The following KIF22 variants were observed in gnomAD, a reference collection of about 807,000 sequenced individuals.
KIF22 encodes the protein kinesin-like protein KIF22.
Under a neutral mutation model 73.0 loss-of-function variants are expected in KIF22, and 62 were observed. That is an observed-to-expected ratio of 0.85 (90% CI 0.69 to 1.05). The LOEUF is 1.05. KIF22 is among the 50% of genes least tolerant of loss of function. KIF22 has a pLI of 0.00. For synonymous variants in KIF22, 411 were observed against 340.1 expected, an observed-to-expected ratio of 1.21 and a Z score of -2.29; for missense variants, 854 against 870.1, an observed-to-expected ratio of 0.98 and a Z score of 0.23.
intron 11 of KIF22, chr16:29,804,386 C>T: frequency 1.6e-6 from 1 of 607,320 alleles, no homozygotes; most frequent in Non-Finnish European, 2.9e-6. Flanking sequence ...CACATATGCA[C>T]ATACCCAGAA....
chr16:29,794,942 G>A (rs1596843373), intron 1 of KIF22, among the ~76,000 whole-genome samples: 1 of 152,094 alleles, frequency 6.6e-6, no homozygotes. Flanking sequence ...AAGGTCCAAG[G>A]TCACAAGCTA....
chr16:29,804,733 G>A, intron 11 of KIF22, 81 bp from the exon 12 acceptor site: 1 of 1,117,092 alleles, frequency 9.0e-7, no homozygotes, highest in East Asian at 2.6e-5. Context: ...GGAGGTAGCT[G>A]GTGCTGGGCT....
In KIF22 at chr16:29,792,199, A is replaced by G. The variant is rs372976932; in HGVS notation, c.70+1370A>G. 2.6e-5 allele frequency among the ~76,000 whole-genome samples: 4 copies of G among 152,264 alleles called. No individual in the cohort carries two copies. The South Asian group carries it at 8.3e-4, about 32-fold the overall frequency. ...CTCTCTTAGCTCAATTTCCTCATCAATAAAAGGGAGAAGAGTGAATGAAAT... is the reference window on the plus strand; with the variant it reads ...CTCTCTTAGCTCAATTTCCTCATCAGTAAAAGGGAGAAGAGTGAATGAAAT... On this transcript the variant is annotated intron_variant, in intron 1 of 13. Coordinates refer to ENST00000160827, the MANE Select transcript of KIF22 (RefSeq NM_007317.3).
intron 9 of KIF22, 95 bp from the exon 10 acceptor site, chr16:29,803,354 G>A (rs1044928322): frequency 1.3e-4 from 190 of 1,464,076 alleles, no homozygotes; most frequent in Non-Finnish European, 1.7e-4. Context: ...GCCCTCTGGG[G>A]GCTCAGAGCC....
chr16:29,803,255 C>T (rs1471733845), intron 9 of KIF22, 194 bp from the exon 10 acceptor site: 1 of 654,712 alleles, frequency 1.5e-6, no homozygotes, highest in Admixed American at 3.1e-5. Flanking sequence ...AGGCTTGTTC[C>T]ACCTCTGGGT....
chr16:29,795,257 G>A lies in KIF22; in HGVS notation c.71-1636G>A, dbSNP rs144981686. On this transcript the variant is annotated intron_variant, in intron 1 of 13. Transcript: ENST00000160827. ...ACAAATGAGAACTAGATGTCCAAGC[G>A]CTTTGCTACCATAACGTGAGAAATG... 3.4e-3 allele frequency among the ~76,000 whole-genome samples: 517 copies of A among 152,284 alleles called. 3 individuals carry two copies. The highest frequency in any genetic ancestry group is 0.012 in the African/African-American group (490 of 41,540).
chr16:29,795,788 CAA>C (rs369813545), intron 1 of KIF22, among the ~76,000 whole-genome samples: 2 of 151,554 alleles, frequency 1.3e-5, no homozygotes, highest in Non-Finnish European at 2.9e-5. Flanking sequence ...CAAAACAAAA[CAA>C]AAAAAACTTA....
intron 1 of KIF22, among the ~76,000 whole-genome samples, chr16:29,794,585 ATCT>A (rs1231954874): frequency 6.6e-6 from 1 of 151,860 alleles, no homozygotes. Flanking sequence ...TATTTCAATT[ATCT>A]TTTTTTTTTC....
chr16:29,790,787 A>C lies in KIF22; in HGVS notation c.28A>C (p.Arg10=). The change falls in exon 1 of 14, where the codon AGG becomes CGG. Residue 10 remains arginine (R), a synonymous_variant. Coordinates refer to ENST00000160827, the MANE Select transcript of KIF22 (RefSeq NM_007317.3). Reference sequence around the variant, plus strand: ...GGCCGCGGGCGGCTCGACGCAGCAGAGGCGACGCGAGATGGCGGCAGCTTC... The same window carrying C: ...GGCCGCGGGCGGCTCGACGCAGCAGCGGCGACGCGAGATGGCGGCAGCTTC... MAAGGSTQQ[R]RREMAAASAA... 1 of 1,602,962 alleles carries C rather than the reference A, an allele frequency of 6.2e-7. No individual in the cohort carries two copies. Among genetic ancestry groups the C allele is most frequent in the Non-Finnish European group, 8.5e-7 (1 of 1,174,996 alleles).
intron 10 of KIF22, 88 bp downstream of exon 10, chr16:29,803,696 C>A: frequency 9.1e-7 from 1 of 1,102,832 alleles, no homozygotes; most frequent in Non-Finnish European, 1.3e-6. Context: ...CCATGTCATT[C>A]ATATTCTCCC....
intron 11 of KIF22, chr16:29,804,459 T>C (rs1213488183): frequency 1.3e-5 from 8 of 635,046 alleles, no homozygotes; most frequent in Admixed American, 2.2e-5. Flanking sequence ...TTATTCATAT[T>C]ACTTTCTCCC....
intron 11 of KIF22, 80 bp downstream of exon 11, chr16:29,804,145 C>T (rs1248272290): frequency 3.3e-6 from 4 of 1,201,884 alleles, no homozygotes; most frequent in Non-Finnish European, 4.9e-6. Context: ...GAGCGTTGGC[C>T]TTGGGGTTAA....
rs564842643 is a variant in KIF22 at position 29,791,028 on chromosome 16, T to A, written c.70+199T>A. 8.9e-4 allele frequency: 1,285 copies of A among 1,443,606 alleles called. 1 individual carries two copies. The highest frequency in any genetic ancestry group is 1.0e-3 in the Non-Finnish European group (1,144 of 1,097,018). The allele number at this position is 1,443,606 out of a possible 1,614,324, so 89.4% of individuals were successfully genotyped here. ...CTCCTGCCTTCTCCCTGTTTCCTGC[T>A]CTCCCCTTGGGTCAGTAGACTCGGG... On this transcript the variant is annotated intron_variant, in intron 1 of 13. Transcript: ENST00000160827.
In KIF22 at chr16:29,804,885, G is replaced by A. The variant is rs1329466169; in HGVS notation, c.1749G>A (p.Glu583=). ...GCTGGGAGCTACAGATCAGCCCGGA[G>A]CTACTGGCTCATGGGCGCCAAAAAA... is the stretch of plus-strand genomic sequence containing the variant. The part of the protein sequence containing the change: ...EDCWELQISP[E]LLAHGRQKIL... Residue 583 remains glutamate (E), a synonymous_variant, in exon 12 of 14, where the codon GAG becomes GAA. Coordinates refer to ENST00000160827, the MANE Select transcript of KIF22 (RefSeq NM_007317.3). 1.2e-6 allele frequency: 2 copies of A among 1,613,958 alleles called. No individual in the cohort carries two copies. The highest frequency in any genetic ancestry group is 1.7e-5 in the Admixed American group (1 of 60,016).
intron 8 of KIF22, 101 bp from the exon 9 acceptor site, chr16:29,802,668 C>G (rs890980383): frequency 8.8e-7 from 1 of 1,134,206 alleles, no homozygotes; most frequent in African/African-American, 1.6e-5. Context: ...GGTTCTGGAG[C>G]TACAGGATAT....
In KIF22 at chr16:29,803,538, G is replaced by A; in HGVS notation, c.1539G>A (p.Arg513=). ...AGAACCATTGTCCCACAATGCTCCG[G>A]CCCCTTTCACATCGCACAGTCACAG... is the stretch of plus-strand genomic sequence containing the variant. ...EKENHCPTML[R]PLSHRTVTGA... Residue 513 remains arginine, a synonymous_variant, in exon 10 of 14, where the codon CGG becomes CGA. Transcript: ENST00000160827. 6.2e-7 allele frequency: 1 copy of A among 1,614,040 alleles called. No individual in the cohort carries two copies. The highest frequency in any genetic ancestry group is 8.5e-7 in the Non-Finnish European group (1 of 1,179,926).
chr16:29,793,244 C>T (rs1226165612), intron 1 of KIF22, among the ~76,000 whole-genome samples: 1 of 152,154 alleles, frequency 6.6e-6, no homozygotes, highest in African/African-American at 2.4e-5. Flanking sequence ...AGATCGAGAC[C>T]ATCTTGGCCA....
chr16:29,791,273 A>G, intron 1 of KIF22: 1 of 1,002,932 alleles, frequency 1.0e-6, no homozygotes, highest in Non-Finnish European at 1.2e-6. Flanking sequence ...GTGCAGAGAC[A>G]TCCCTGAGAG....
chr16:29,791,580 TAGG>T (rs1004578910), intron 1 of KIF22: 1 of 152,212 alleles, frequency 6.6e-6, no homozygotes, highest in African/African-American at 2.4e-5. Context: ...AACAGACATT[TAGG>T]AGAATGCCTA....
Sources: gnomAD v4.1 joint callset for allele counts (sites outside exome capture counted in the v4.1 genomes callset) on GRCh38, gnomAD v4.1.1 for gene constraint, MANE v1.5 for transcripts, NCBI Gene and HGNC (gene_info 2026-07-23, HGNC 2026-07-21) for gene names.